UGT1A7: variants seen among roughly 807,000 people sequenced by gnomAD.
The protein encoded by UGT1A7 is UDP glucuronosyltransferase family 1 member A7.
Under a neutral mutation model 45.6 loss-of-function variants are expected in UGT1A7, and 33 were observed. The ratio of observed to expected loss-of-function variants is 0.72; its 90% CI spans 0.55 to 0.97. The LOEUF is 0.97. Ranked by LOEUF, UGT1A7 falls within the 50% of genes least tolerant of loss-of-function variation. The pLI is 0.00. For missense variants in UGT1A7, 684 were observed against 666.2 expected, an observed-to-expected ratio of 1.03 and a Z score of -0.29; for synonymous variants, 274 against 250.6, an observed-to-expected ratio of 1.09 and a Z score of -0.88.
At chr2:233,729,603 A>G (rs7574296) in intron 1 of UGT1A7, 749,893 of 1,613,688 alleles carry the variant, frequency 0.46, 180,593 homozygotes, top group African/African-American at 0.76. Context: ...TCTGCGCGGC[A>G]GTGCTGGCTA....
chr2:233,732,744 C>T (rs1207999893), intron 1 of UGT1A7, among the ~76,000 whole-genome samples: 2 of 150,716 alleles, frequency 1.3e-5, no homozygotes, highest in Non-Finnish European at 2.9e-5. Context: ...TAGCATGATG[C>T]CACCAGCTTT....
intron 1 of UGT1A7, chr2:233,755,156 G>A: frequency 7.7e-7 from 1 of 1,294,130 alleles, no homozygotes; most frequent in Middle Eastern, 2.2e-4. Context: ...CTTCCTCCCT[G>A]TCCTCGGGGT....
rs936360060 is a variant in UGT1A7 at position 233,744,308 on chromosome 2, A to G, written c.856-22726A>G. On this transcript the variant is annotated intron_variant, in intron 1 of 4. Coordinates refer to ENST00000373426, the MANE Select transcript of UGT1A7 (RefSeq NM_019077.3). Reference sequence around the variant, plus strand: ...GTCTTTTTCCTCGGCCACAGGAGGGAAGAGGGTGGTGGGAGTGAGTTTAGT... The same window carrying G: ...GTCTTTTTCCTCGGCCACAGGAGGGGAGAGGGTGGTGGGAGTGAGTTTAGT... Among the ~76,000 whole-genome samples, 68 of 151,726 alleles carry G rather than the reference A, an allele frequency of 4.5e-4. 2 individuals are homozygous for G. The highest frequency in any genetic ancestry group is 1.7e-3 in the African/African-American group (68 of 41,046).
At chr2:233,717,369 C>T (rs1261511605) in intron 1 of UGT1A7, among the ~76,000 whole-genome samples, 1 of 152,214 alleles carries the variant, frequency 6.6e-6, no homozygotes, top group Non-Finnish European at 1.5e-5. Context: ...GTTCTCAAGC[C>T]CTTACAGACC....
chr2:233,769,458 C>G lies in UGT1A7; in HGVS notation c.1295+1019C>G, dbSNP rs896047328. On this transcript the variant is annotated intron_variant, in intron 4 of 4. Coordinates refer to ENST00000373426, the MANE Select transcript of UGT1A7 (RefSeq NM_019077.3). This position sits in a 1 kb window ranked among gnomAD's most constrained non-coding sequence, Gnocchi z 4.4. ...ATGTGTGGGTGCACACGTGTGCATTCATATGCGTGTGTGTGTGTGTGCGTG... is the reference window on the plus strand; with the variant it reads ...ATGTGTGGGTGCACACGTGTGCATTGATATGCGTGTGTGTGTGTGTGCGTG... The G allele has an allele frequency of 2.5e-6, 4 of 1,593,602 alleles. No individual in the cohort carries two copies. The African/African-American group carries it at 4.0e-5, about 16-fold the overall frequency.
Position 233,681,906 on chromosome 2 carries a change from C to T in UGT1A7, c.-32C>T, listed in dbSNP as rs1352844519. 6.3e-7 allele frequency: 1 copy of T among 1,596,660 alleles called. No individual in the cohort carries two copies. Among genetic ancestry groups the T allele is most frequent in the South Asian group, 1.1e-5 (1 of 88,114 alleles). On this transcript the variant is annotated 5_prime_UTR_variant, in exon 1 of 5. Coordinates refer to ENST00000373426, the MANE Select transcript of UGT1A7 (RefSeq NM_019077.3). ...TTACTATATTATAGGAGCTTAGAAT[C>T]CCAGCTGCTGGCTCTGGGCTGAAGT...
At chr2:233,710,464 G>A in intron 1 of UGT1A7, among the ~76,000 whole-genome samples, 1 of 152,194 alleles carries the variant, frequency 6.6e-6, no homozygotes. Context: ...ATCCTAATGG[G>A]TGTGTAGTAG....
Position 233,769,401 on chromosome 2 carries a change from G to A in UGT1A7, c.1295+962G>A. On this transcript the variant is annotated intron_variant, in intron 4 of 4. Coordinates refer to ENST00000373426, the MANE Select transcript of UGT1A7 (RefSeq NM_019077.3). This position sits in a 1 kb window ranked among gnomAD's most constrained non-coding sequence, Gnocchi z 4.4. ...CCGACAATAGATACTGTGTGCATATGTGCGTGTGCGTTTGTGCATGTGGCT... is the reference window on the plus strand; with the variant it reads ...CCGACAATAGATACTGTGTGCATATATGCGTGTGCGTTTGTGCATGTGGCT... 1 of 1,194,732 alleles carries A rather than the reference G, an allele frequency of 8.4e-7. No homozygotes were observed. 74.0% of individuals were successfully genotyped at this position (1,194,732 alleles called of 1,614,324 possible).
chr2:233,684,122 A>T (rs2125528106), intron 1 of UGT1A7, among the ~76,000 whole-genome samples: 1 of 152,280 alleles, frequency 6.6e-6, no homozygotes, highest in South Asian at 2.1e-4. Flanking sequence ...CTGGCTTCTT[A>T]CAAAGTTCAG....
rs1427279208 is a variant in UGT1A7 at position 233,769,059 on chromosome 2, C to T, written c.1295+620C>T. Among the ~76,000 whole-genome samples, 3 of 152,006 alleles carry T rather than the reference C, an allele frequency of 2.0e-5. No individual in the cohort carries two copies. Among genetic ancestry groups the T allele is most frequent in the African/African-American group, 4.8e-5 (2 of 41,348 alleles). ...ACATCTGATCCATAAGTTTCCTGCA[C>T]AGAAAGAAATACTCCATTATAAGAA... is the stretch of plus-strand genomic sequence containing the variant. On this transcript the variant is annotated intron_variant, in intron 4 of 4. Transcript: ENST00000373426. The surrounding 1 kb of genome is among the most constrained non-coding windows in gnomAD (Gnocchi z 4.4).
intron 1 of UGT1A7, chr2:233,747,860 C>T (rs1402748758): frequency 6.2e-6 from 10 of 1,613,422 alleles, no homozygotes; most frequent in Non-Finnish European, 5.9e-6. Context: ...ACATGCTCTA[C>T]CCTCTGGCCC....
chr2:233,760,837 A>T (rs1440575421), intron 1 of UGT1A7: 4 of 1,613,664 alleles, frequency 2.5e-6, no homozygotes, highest in Non-Finnish European at 3.4e-6. Flanking sequence ...ATTTGAGGCT[A>T]CCCAGTGCCC....
At chr2:233,700,813 C>CAT (rs2075589414) in intron 1 of UGT1A7, among the ~76,000 whole-genome samples, 1 of 151,890 alleles carries the variant, frequency 6.6e-6, no homozygotes, top group African/African-American at 2.4e-5. Context: ...TGTTGGTGTG[C>CAT]TGCACCCATT....
intron 1 of UGT1A7, among the ~76,000 whole-genome samples, chr2:233,736,806 A>C (rs1345730820): frequency 6.6e-6 from 1 of 152,210 alleles, no homozygotes; most frequent in African/African-American, 2.4e-5. Context: ...AGTTTGCTGG[A>C]GGTCCACTCC....
chr2:233,697,477 C>T (rs966758556), intron 1 of UGT1A7, among the ~76,000 whole-genome samples: 1 of 149,952 alleles, frequency 6.7e-6, no homozygotes, highest in Non-Finnish European at 1.5e-5. Flanking sequence ...CTTAGTCTAG[C>T]TCAAGGTTTG....
intron 1 of UGT1A7, chr2:233,754,336 T>A: frequency 4.0e-6 from 1 of 251,592 alleles, no homozygotes; most frequent in Non-Finnish European, 7.8e-6. Context: ...TTAAGTTTAA[T>A]AAATAGCAAA....
intron 1 of UGT1A7, among the ~76,000 whole-genome samples, chr2:233,759,532 G>GTTC (rs994787528): frequency 5.4e-4 from 82 of 152,192 alleles, no homozygotes; most frequent in African/African-American, 1.9e-3. Flanking sequence ...GAAGACTTCT[G>GTTC]TTCACATGCG....
intron 1 of UGT1A7, among the ~76,000 whole-genome samples, chr2:233,725,890 G>A (rs2077482116): frequency 6.6e-6 from 1 of 152,164 alleles, no homozygotes; most frequent in Admixed American, 6.5e-5. Context: ...TTTGTAGGCA[G>A]GTGGGTGGCT....
intron 1 of UGT1A7, chr2:233,754,805 A>G (rs755961500): frequency 2.3e-6 from 3 of 1,294,912 alleles, no homozygotes; most frequent in South Asian, 2.4e-5. Context: ...TATCAAAAGA[A>G]GAAAAACCAC....
Sources: allele counts gnomAD v4.1 joint callset (sites outside exome capture counted in the v4.1 genomes callset), GRCh38; gene constraint gnomAD v4.1.1; non-coding constraint Gnocchi (gnomAD v3.1); transcripts MANE v1.5; gene names NCBI Gene and HGNC (gene_info 2026-07-23, HGNC 2026-07-21).